The following ANKS1A variants were observed in gnomAD, a reference collection of about 807,000 sequenced individuals.
ANKS1A encodes ankyrin repeat and sterile alpha motif domain containing 1A.
In ANKS1A, 55 loss-of-function variants were observed where a neutral mutation model predicts 120.3. That is an observed-to-expected ratio of 0.46 (90% CI 0.37 to 0.57). The LOEUF is 0.57. ANKS1A is among the 20% of genes least tolerant of loss of function. The probability of loss-of-function intolerance (pLI) is 0.00; values close to 1 mark genes in which losing one functional copy is unlikely to be tolerated. For missense variants in ANKS1A, 1,123 were observed against 1,480.3 expected (o/e 0.76, Z 3.96); for synonymous variants, 590 against 604.7 (o/e 0.98, Z 0.36).
chr6:34,991,714 A>G (rs1772560425), intron 9 of ANKS1A, among the ~76,000 whole-genome samples: 1 of 95,786 alleles, frequency 1.0e-5, no homozygotes, highest in Non-Finnish European at 2.3e-5. Flanking sequence ...ATATATACAC[A>G]TATATATACA....
chr6:35,096,358 C>G (rs1778470483), downstream of ANKS1A, among the ~76,000 whole-genome samples: 1 of 152,156 alleles, frequency 6.6e-6, no homozygotes, highest in Non-Finnish European at 1.5e-5. Flanking sequence ...GACAAGGGCC[C>G]TTCTGGTTTG....
At chr6:35,066,425 T>C (rs933363291) in intron 13 of ANKS1A, among the ~76,000 whole-genome samples, 2 of 152,138 alleles carry the variant, frequency 1.3e-5, no homozygotes. Context: ...CTGTGGCACC[T>C]TGACCTCAGC....
In ANKS1A at chr6:34,969,160, T is replaced by C. The variant is rs935367642; in HGVS notation, c.279-850T>C. On this transcript the variant is annotated intron_variant, in intron 2 of 23. Coordinates refer to ENST00000360359, the MANE Select transcript of ANKS1A (RefSeq NM_015245.3). ...AATTATATACTGGTATGTGTTTAATTAGTGCTGTCACCAGGAAAAAAGCAA... is the reference window on the plus strand; with the variant it reads ...AATTATATACTGGTATGTGTTTAATCAGTGCTGTCACCAGGAAAAAAGCAA... Among the ~76,000 whole-genome samples, 8 of 152,230 alleles carry C rather than the reference T, an allele frequency of 5.3e-5. 1 individual carries two copies. The highest frequency in any genetic ancestry group is 4.6e-4 in the Admixed American group (7 of 15,286).
chr6:35,086,487 C>A lies in ANKS1A; in HGVS notation c.3304-465C>A. 1 of 628,762 alleles carries A rather than the reference C, an allele frequency of 1.6e-6. No homozygotes were observed. The highest frequency in any genetic ancestry group is 2.6e-6 in the Non-Finnish European group (1 of 390,762). 38.9% of individuals were successfully genotyped at this position (628,762 alleles called of 1,614,324 possible). ...CATTCTTTCCCCTCTTCCTGAGATGCCCTCTGCCTGTTCTGTGTGTGCTTC... is the reference window on the plus strand; with the variant it reads ...CATTCTTTCCCCTCTTCCTGAGATGACCTCTGCCTGTTCTGTGTGTGCTTC... On this transcript the variant is annotated intron_variant, in intron 22 of 23. Coordinates refer to ENST00000360359, the MANE Select transcript of ANKS1A (RefSeq NM_015245.3). This position sits in a 1 kb window ranked among gnomAD's most constrained non-coding sequence, Gnocchi z 5.1.
intron 13 of ANKS1A, among the ~76,000 whole-genome samples, chr6:35,064,449 G>A (rs1776665690): frequency 6.6e-6 from 1 of 152,202 alleles, no homozygotes; most frequent in African/African-American, 2.4e-5. Flanking sequence ...TTTCTGAGGT[G>A]GTGCCAGCTT....
rs761307167 is a variant in ANKS1A at position 35,079,550 on chromosome 6, C to A, written c.2318C>A (p.Pro773His). The change falls in exon 15 of 24, where the codon CCT (proline) becomes CAT (histidine). Residue 773 changes from proline to histidine, a missense_variant. By Grantham distance (77) the Pro-to-His change is moderately conservative. Coordinates refer to ENST00000360359, the MANE Select transcript of ANKS1A (RefSeq NM_015245.3). ...CTGGGTTATGACGGGAACAGCCCCC[C>A]TAGCGTGCCCTCCTGGCTGGACTCC... is the stretch of plus-strand genomic sequence containing the variant. Reference protein sequence around the residue: ...KALGYDGNSPPSVPSWLDSLG... With the variant: ...KALGYDGNSPHSVPSWLDSLG... The A allele has an allele frequency of 6.2e-7, 1 of 1,613,778 alleles. No individual in the cohort carries two copies. Among genetic ancestry groups the A allele is most frequent in the South Asian group, 1.1e-5 (1 of 91,068 alleles).
chr6:34,981,959 C>T lies in ANKS1A; in HGVS notation c.705C>T (p.Leu235=), dbSNP rs190408911. 89 of 1,614,138 alleles carry T rather than the reference C, an allele frequency of 5.5e-5. No individual in the cohort carries two copies. In the Admixed American group the frequency reaches 9.5e-4, roughly 17 times the overall value. ...NGHKAVVQVL[L]DAGMDSNYQT... ...ACAAAGCCGTGGTCCAGGTCCTCCTCGATGCTGGCATGGACAGCAACTACC... is the reference window on the plus strand; with the variant it reads ...ACAAAGCCGTGGTCCAGGTCCTCCTTGATGCTGGCATGGACAGCAACTACC... Residue 235 remains leucine (L), a synonymous_variant, in exon 4 of 24, where the codon CTC becomes CTT. Coordinates refer to ENST00000360359, the MANE Select transcript of ANKS1A (RefSeq NM_015245.3).
At chr6:34,954,387 A>C (rs560940057) in intron 1 of ANKS1A, among the ~76,000 whole-genome samples, 11 of 152,246 alleles carry the variant, frequency 7.2e-5, no homozygotes, top group Non-Finnish European at 1.6e-4. Context: ...GTGTGTGTGC[A>C]TTCACATTGC....
chr6:35,000,895 C>G (rs999222237), intron 10 of ANKS1A, among the ~76,000 whole-genome samples: 1 of 151,958 alleles, frequency 6.6e-6, no homozygotes, highest in African/African-American at 2.4e-5. Context: ...AAAAAAAATT[C>G]TGTGTGTAAA....
intron 11 of ANKS1A, among the ~76,000 whole-genome samples, chr6:35,042,376 A>G (rs1775503853): frequency 6.6e-6 from 1 of 152,170 alleles, no homozygotes; most frequent in Non-Finnish European, 1.5e-5. Context: ...GATCCAAGAA[A>G]GATGTATGTC....
intron 1 of ANKS1A, among the ~76,000 whole-genome samples, chr6:34,903,703 G>T (rs1767488793): frequency 2.0e-5 from 3 of 152,244 alleles, no homozygotes; most frequent in Admixed American, 2.0e-4. Flanking sequence ...TTTCAGTAGA[G>T]ACGGGGTTTC....
At chr6:34,899,888 CA>C (rs1297021521) in intron 1 of ANKS1A, among the ~76,000 whole-genome samples, 2 of 152,226 alleles carry the variant, frequency 1.3e-5, no homozygotes, top group African/African-American at 4.8e-5. Context: ...GCCCTGCAGC[CA>C]TGATCAAACT....
At chr6:34,923,785 G>T (rs1419674695) in intron 1 of ANKS1A, among the ~76,000 whole-genome samples, 1 of 152,158 alleles carries the variant, frequency 6.6e-6, no homozygotes, top group Non-Finnish European at 1.5e-5. Context: ...ATGGAGAGAG[G>T]AAGATGGACC....
chr6:34,914,549 A>C (rs1371165134), intron 1 of ANKS1A, among the ~76,000 whole-genome samples: 1 of 152,190 alleles, frequency 6.6e-6, no homozygotes. Flanking sequence ...AAAAGGAAAC[A>C]GTTTTGAAAA....
At chr6:35,009,025 C>T (rs568256427) in intron 10 of ANKS1A, among the ~76,000 whole-genome samples, 2 of 152,292 alleles carry the variant, frequency 1.3e-5, no homozygotes, top group South Asian at 2.1e-4. Context: ...GGGAACTTGT[C>T]ATAGAGCATT....
At chr6:35,068,529 A>G (rs552138779) in intron 13 of ANKS1A, among the ~76,000 whole-genome samples, 28 of 151,576 alleles carry the variant, frequency 1.8e-4, no homozygotes, top group African/African-American at 6.8e-4. Flanking sequence ...TACCCTCCCT[A>G]CTCTTGGTTA....
In ANKS1A at chr6:34,889,929, G is replaced by A. The variant is rs1295765509; in HGVS notation, c.197+330G>A. Among the ~76,000 whole-genome samples, 2 of 144,746 alleles carry A rather than the reference G, an allele frequency of 1.4e-5. No homozygotes were observed. Among genetic ancestry groups the A allele is most frequent in the Non-Finnish European group, 3.0e-5 (2 of 67,628 alleles). The allele number at this position is 144,746 out of a possible 152,430, so 95.0% of individuals were successfully genotyped here. On this transcript the variant is annotated intron_variant, in intron 1 of 23. Transcript: ENST00000360359. The surrounding 1 kb of genome is among the most constrained non-coding windows in gnomAD (Gnocchi z 5.5). Reference sequence around the variant, plus strand: ...ATCGTAGCTCACAAAAGCCAATTAAGAGCAAATATGTATATCTTATATATA... The same window carrying A: ...ATCGTAGCTCACAAAAGCCAATTAAAAGCAAATATGTATATCTTATATATA...
Position 35,072,575 on chromosome 6 carries a change from C to G in ANKS1A, c.2185-5983C>G, listed in dbSNP as rs570329408. Among the ~76,000 whole-genome samples the G allele has an allele frequency of 1.1e-3, 164 of 152,336 alleles. 1 individual carries two copies. The highest frequency in any genetic ancestry group is 3.8e-3 in the African/African-American group (157 of 41,576). ...GCTGGCCCTTGGCACAGTGCCCGTG[C>G]TATGTATCCAGAGGCCTGGGCCCAC... is the stretch of plus-strand genomic sequence containing the variant. On this transcript the variant is annotated intron_variant, in intron 13 of 23. Coordinates refer to ENST00000360359, the MANE Select transcript of ANKS1A (RefSeq NM_015245.3).
At chr6:34,933,449 C>T (rs543137762) in intron 1 of ANKS1A, among the ~76,000 whole-genome samples, 12 of 152,352 alleles carry the variant, frequency 7.9e-5, no homozygotes, top group Admixed American at 7.2e-4. Context: ...CGTCTCACTG[C>T]AACCACCGCC....
Sources: gnomAD v4.1 joint callset for allele counts (sites outside exome capture counted in the v4.1 genomes callset) on GRCh38, gnomAD v4.1.1 for gene constraint, Gnocchi (gnomAD v3.1) non-coding constraint, MANE v1.5 for transcripts, NCBI Gene and HGNC (gene_info 2026-07-23, HGNC 2026-07-21) for gene names.